LAMA2: variants seen among roughly 807,000 people sequenced by gnomAD.
LAMA2 encodes the protein laminin subunit alpha-2.
LAMA2 carries 269 observed loss-of-function variants against 364.8 expected under a neutral mutation model. That is an observed-to-expected ratio of 0.74 (90% CI 0.67 to 0.82). The LOEUF (loss-of-function observed/expected upper bound fraction) is 0.82. Ranked by LOEUF, LAMA2 falls within the 40% of genes least tolerant of loss-of-function variation. LAMA2 has a pLI of 0.00. For synonymous variants in LAMA2, 1,379 were observed against 1,370.6 expected, an observed-to-expected ratio of 1.01 and a Z score of -0.14; for missense variants, 3,807 against 3,873.2, an observed-to-expected ratio of 0.98 and a Z score of 0.45.
At position 129,313,085 on chromosome 6, in the gene LAMA2, G is replaced by A; in HGVS notation, c.3399G>A (p.Gln1133=). 2 of 1,602,736 alleles carry A rather than the reference G, an allele frequency of 1.2e-6. No individual in the cohort carries two copies. The highest frequency in any genetic ancestry group is 1.7e-6 in the Non-Finnish European group (2 of 1,170,700). Residue 1133 remains glutamine (Q), a synonymous_variant, in exon 23 of 65, where the codon CAG becomes CAA. Transcript: ENST00000421865. The part of the protein sequence containing the change: ...KKCSCSDQTG[Q]CTCKVNVEGI... Reference sequence around the variant, plus strand: ...GCTCCTGTAGTGATCAAACTGGGCAGTGCACTTGTAAGGTATGTGCTGCTG... The same window carrying A: ...GCTCCTGTAGTGATCAAACTGGGCAATGCACTTGTAAGGTATGTGCTGCTG...
At chr6:129,335,078 T>G (rs973644303) in intron 29 of LAMA2, among the ~76,000 whole-genome samples, 4 of 152,160 alleles carry the variant, frequency 2.6e-5, no homozygotes, top group African/African-American at 9.7e-5. Flanking sequence ...AAGAAAACTG[T>G]AGAAAGCTTT....
chr6:129,050,116 G>A (rs775445533), intron 2 of LAMA2, 28 bp downstream of exon 2: 2 of 1,612,300 alleles, frequency 1.2e-6, no homozygotes, highest in Non-Finnish European at 1.7e-6. Context: ...TAGGTGTGTG[G>A]CGCTGGGTAG....
At chr6:129,511,378 CCTTTA>C (rs1202843947) in intron 62 of LAMA2, among the ~76,000 whole-genome samples, 18 of 152,048 alleles carry the variant, frequency 1.2e-4, no homozygotes, top group Admixed American at 2.0e-4. Flanking sequence ...CTTCTTCTAC[CCTTTA>C]CTTTATTTTT....
intron 10 of LAMA2, among the ~76,000 whole-genome samples, chr6:129,182,968 G>A (rs1053856343): frequency 3.1e-4 from 47 of 151,902 alleles, no homozygotes; most frequent in African/African-American, 1.1e-3. Flanking sequence ...AAAAAGAGGA[G>A]AATGAAATTT....
intron 17 of LAMA2, 99 bp from the exon 18 acceptor site, chr6:129,279,962 T>A (rs1395359416): frequency 1.2e-6 from 1 of 811,236 alleles, no homozygotes; most frequent in African/African-American, 1.7e-5. Flanking sequence ...TGTACTCTTT[T>A]GTCAGAGCAG....
chr6:129,313,248 T>C (rs1333187016), intron 23 of LAMA2, 151 bp downstream of exon 23: 1 of 597,502 alleles, frequency 1.7e-6, no homozygotes, highest in Non-Finnish European at 2.9e-6. Flanking sequence ...GAGTTTTCAT[T>C]GATATGCATT....
At chr6:129,456,617 A>G in intron 48 of LAMA2, 123 bp downstream of exon 48, 3 of 907,566 alleles carry the variant, frequency 3.3e-6, no homozygotes, top group Non-Finnish European at 5.5e-6. Context: ...ACTTGCATTT[A>G]TGAAAACATG....
At chr6:129,238,187 G>A (rs1460166095) in intron 12 of LAMA2, among the ~76,000 whole-genome samples, 1 of 151,140 alleles carries the variant, frequency 6.6e-6, no homozygotes, top group Non-Finnish European at 1.5e-5. Context: ...AAAAAAAAAG[G>A]AAGAGAGACA....
chr6:128,908,598 A>G (rs1777664476), intron 1 of LAMA2, among the ~76,000 whole-genome samples: 2 of 134,852 alleles, frequency 1.5e-5, no homozygotes, highest in African/African-American at 5.8e-5. Context: ...TCCTGGATTC[A>G]TTAATTTTTT....
chr6:128,929,272 G>A (rs1452719680), intron 1 of LAMA2: 6 of 1,356,690 alleles, frequency 4.4e-6, no homozygotes, highest in African/African-American at 4.3e-5. Context: ...CTAAGTTCCC[G>A]TCATTGATGC....
At chr6:129,181,469 G>A (rs868791195) in intron 10 of LAMA2, among the ~76,000 whole-genome samples, 10 of 151,898 alleles carry the variant, frequency 6.6e-5, no homozygotes, top group Middle Eastern at 3.4e-3. Flanking sequence ...ATAGAAAAAA[G>A]TAATATAAAA....
chr6:129,132,417 C>T (rs1459691067), intron 4 of LAMA2, among the ~76,000 whole-genome samples: 2 of 152,162 alleles, frequency 1.3e-5, no homozygotes, highest in Non-Finnish European at 2.9e-5. Context: ...CGGCCCGCCT[C>T]GGCCTCCCAA....
intron 1 of LAMA2, among the ~76,000 whole-genome samples, chr6:128,925,202 G>T (rs1161695928): frequency 6.6e-6 from 1 of 152,174 alleles, no homozygotes; most frequent in Non-Finnish European, 1.5e-5. Flanking sequence ...GTCCTGAAAA[G>T]ATATTTATAC....
intron 32 of LAMA2, among the ~76,000 whole-genome samples, chr6:129,363,764 T>C (rs1777603927): frequency 6.6e-6 from 1 of 152,190 alleles, no homozygotes; most frequent in Admixed American, 6.5e-5. Flanking sequence ...AAAGTCCTAC[T>C]GGTGGTTCTG....
intron 61 of LAMA2, 86 bp from the exon 62 acceptor site, chr6:129,507,403 A>G (rs1452426352): frequency 1.4e-5 from 20 of 1,394,616 alleles, no homozygotes; most frequent in Non-Finnish European, 1.9e-5. Flanking sequence ...CTACACACAT[A>G]GAGCACCCTG....
rs73599008 is a variant in LAMA2, at chr6:129,124,814, C to T, written c.640-19087C>T. Among the ~76,000 whole-genome samples, 1,116 of 152,284 alleles carry T rather than the reference C, an allele frequency of 7.3e-3. 14 individuals are homozygous for T. Among genetic ancestry groups the T allele is most frequent in the African/African-American group, 0.026 (1,080 of 41,544 alleles). On this transcript the variant is annotated intron_variant, in intron 4 of 64. Transcript: ENST00000421865. ...ACCACAATCCAATTTTAGATCATTT[C>T]AACAACTCAAAAAGAAACCTTGTAC...
intron 3 of LAMA2, among the ~76,000 whole-genome samples, chr6:129,064,603 T>C (rs1355653030): frequency 6.6e-6 from 1 of 152,078 alleles, no homozygotes; most frequent in Non-Finnish European, 1.5e-5. Flanking sequence ...TTACTACTGA[T>C]ACTTCAGAAA....
chr6:129,425,530 A>G (rs1294781868), intron 40 of LAMA2, among the ~76,000 whole-genome samples: 2 of 151,988 alleles, frequency 1.3e-5, no homozygotes, highest in East Asian at 3.8e-4. Flanking sequence ...TTCATCACGC[A>G]GGAACTAAGT....
At position 129,390,484 on chromosome 6, in the gene LAMA2, A is replaced by G. The variant is rs192237973; in HGVS notation, c.5072-1007A>G. Among the ~76,000 whole-genome samples the G allele has an allele frequency of 1.8e-4, 28 of 152,174 alleles. No homozygotes were observed. In the East Asian group the frequency reaches 4.6e-3, roughly 25 times the overall value. On this transcript the variant is annotated intron_variant, in intron 35 of 64. Coordinates refer to ENST00000421865, the MANE Select transcript of LAMA2 (RefSeq NM_000426.4). ...TTTCAGGAATCTCTATGTCATAAGG[A>G]GATCTTCGGATACACCCTTGAATGG... is the stretch of plus-strand genomic sequence containing the variant.
Sources: allele counts gnomAD v4.1 joint callset (sites outside exome capture counted in the v4.1 genomes callset), GRCh38; gene constraint gnomAD v4.1.1; transcripts MANE v1.5; gene names NCBI Gene and HGNC (gene_info 2026-07-23, HGNC 2026-07-21).